The following CWC27 variants were observed in gnomAD, a reference collection of about 807,000 sequenced individuals.
CWC27 encodes spliceosome-associated protein CWC27 homolog.
Under a neutral mutation model 63.6 loss-of-function variants are expected in CWC27, and 47 were observed. That is an observed-to-expected ratio of 0.74 (90% CI 0.58 to 0.94). CWC27 has a LOEUF of 0.94. Ranked by LOEUF, CWC27 falls within the 40% of genes least tolerant of loss-of-function variation. The probability of loss-of-function intolerance (pLI) is 0.00; values close to 1 mark genes in which losing one functional copy is unlikely to be tolerated. For missense variants in CWC27, 495 were observed against 554.3 expected (o/e 0.89, Z 1.07); for synonymous variants, 175 against 179.8 (o/e 0.97, Z 0.22).
At chr5:64,955,746 CAA>C (rs1205660063) in intron 11 of CWC27, among the ~76,000 whole-genome samples, 5 of 151,956 alleles carry the variant, frequency 3.3e-5, no homozygotes, top group African/African-American at 4.8e-5. Flanking sequence ...AAAAAAAAGT[CAA>C]GAGTGAAACA....
chr5:64,959,655 C>T (rs1306054141), intron 11 of CWC27, among the ~76,000 whole-genome samples: 1 of 152,182 alleles, frequency 6.6e-6, no homozygotes, highest in East Asian at 1.9e-4. Context: ...TATACCTCAA[C>T]TTAATTAGGC....
At chr5:64,887,588 G>A (rs1453751055) in intron 11 of CWC27, among the ~76,000 whole-genome samples, 2 of 151,960 alleles carry the variant, frequency 1.3e-5, no homozygotes, top group African/African-American at 2.4e-5. Context: ...GGCTGGTCTC[G>A]AACTCCTGAC....
intron 10 of CWC27, among the ~76,000 whole-genome samples, chr5:64,881,017 T>G (rs1176879389): frequency 6.6e-6 from 1 of 151,994 alleles, no homozygotes; most frequent in Non-Finnish European, 1.5e-5. Context: ...TTAAATATAT[T>G]CTGATGCCAG....
intron 13 of CWC27, among the ~76,000 whole-genome samples, chr5:65,017,514 G>C (rs1220802763): frequency 1.3e-5 from 2 of 152,190 alleles, no homozygotes; most frequent in African/African-American, 4.8e-5. Context: ...AGACCAGTAA[G>C]CTTTTGATGA....
intron 13 of CWC27, among the ~76,000 whole-genome samples, chr5:65,007,600 A>C (rs559798728): frequency 6.8e-6 from 1 of 147,376 alleles, no homozygotes; most frequent in African/African-American, 2.5e-5. Flanking sequence ...TTCTGTGCTC[A>C]TGTGCTCCTC....
At chr5:64,786,026 A>G (rs148895602) in intron 5 of CWC27, among the ~76,000 whole-genome samples, 3,370 of 152,002 alleles carry the variant, frequency 0.022, 140 homozygotes, top group African/African-American at 0.076. Context: ...ATAGCTGGGC[A>G]TGGTGGCATA....
chr5:65,008,077 A>G (rs1749883894), intron 13 of CWC27, among the ~76,000 whole-genome samples: 2 of 152,364 alleles, frequency 1.3e-5, no homozygotes, highest in South Asian at 4.1e-4. Context: ...TATTCAATGT[A>G]TGAATTTTGC....
chr5:64,824,744 TTTTTTTG>T (rs1413781729), intron 10 of CWC27, among the ~76,000 whole-genome samples: 3 of 145,562 alleles, frequency 2.1e-5, no homozygotes, highest in Non-Finnish European at 4.5e-5. Flanking sequence ...TTTTTTTTTT[TTTTTTTG>T]AGATGGAGTC....
At chr5:64,820,271 A>C (rs543914334) in intron 10 of CWC27, among the ~76,000 whole-genome samples, 60 of 152,364 alleles carry the variant, frequency 3.9e-4, no homozygotes, top group African/African-American at 1.4e-3. Flanking sequence ...GGCACACTTC[A>C]TCTGGGCTCT....
chr5:64,804,316 A>C lies in CWC27; in HGVS notation c.868A>C (p.Lys290Gln). ...GAGAGAAAGAATTGCCAAAAAATTA[A>C]AAAAGGACACAAGTGCGAATGTTAA... ...LMRERIAKKL[K>Q]KDTSANVKSA... The change falls in exon 10 of 14, where the codon AAA becomes CAA. Residue 290 changes from lysine (K) to glutamine (Q), a missense_variant. Lys to Gln is a moderately conservative substitution (Grantham distance 53). Around this residue, in one of 3 missense-constraint regions of CWC27, gnomAD observed 463 missense variants for 498.1 expected, o/e 0.93. Coordinates refer to ENST00000381070, the MANE Select transcript of CWC27 (RefSeq NM_005869.4). The C allele has an allele frequency of 6.2e-7, 1 of 1,613,252 alleles. No individual in the cohort carries two copies. The highest frequency in any genetic ancestry group is 1.7e-4 in the Middle Eastern group (1 of 5,982).
At chr5:64,776,068 CGAGAGAGAGAGAGAGAGAGAGAGAGA>C (rs70983650) in intron 2 of CWC27, among the ~76,000 whole-genome samples, 13 of 108,640 alleles carry the variant, frequency 1.2e-4, no homozygotes, top group East Asian at 9.5e-4. Flanking sequence ...AGGAGTGGAG[CGAGAGAGAGAGAGAGAGAGAGAGAGA>C]GAGAGAGAGA....
intron 13 of CWC27, among the ~76,000 whole-genome samples, chr5:64,994,328 T>C (rs573759301): frequency 1.1e-4 from 16 of 152,304 alleles, no homozygotes; most frequent in Non-Finnish European, 2.4e-4. Flanking sequence ...GATGGTTATA[T>C]AATATTCTAT....
intron 7 of CWC27, among the ~76,000 whole-genome samples, chr5:64,792,281 AG>A: frequency 1.3e-5 from 2 of 152,264 alleles, no homozygotes; most frequent in Middle Eastern, 6.8e-3. Context: ...TTTCCAAGCG[AG>A]GGGCCTGGGA....
At chr5:65,014,609 T>C (rs1750018878) in intron 13 of CWC27, among the ~76,000 whole-genome samples, 2 of 152,110 alleles carry the variant, frequency 1.3e-5, no homozygotes, top group Admixed American at 6.6e-5. Context: ...TATTGAGTTA[T>C]TGGGACATAC....
At chr5:64,798,660 A>G (rs951892185) in intron 7 of CWC27, among the ~76,000 whole-genome samples, 1 of 152,218 alleles carries the variant, frequency 6.6e-6, no homozygotes, top group African/African-American at 2.4e-5. Context: ...AGAGAGCTCC[A>G]TATTAATACA....
chr5:64,940,188 G>A (rs748640730), intron 11 of CWC27, among the ~76,000 whole-genome samples: 3 of 152,254 alleles, frequency 2.0e-5, no homozygotes, highest in East Asian at 1.9e-4. Flanking sequence ...CTGCAGCTCT[G>A]TGTCTGCCCA....
intron 10 of CWC27, among the ~76,000 whole-genome samples, chr5:64,863,449 A>C (rs1746459426): frequency 3.5e-5 from 5 of 144,284 alleles, no homozygotes; most frequent in African/African-American, 7.7e-5. Flanking sequence ...TCTCCCCTAC[A>C]CCCTCCCTTT....
Position 64,782,026 on chromosome 5 carries a change from C to T in CWC27, c.245C>T (p.Pro82Leu). 1.4e-6 allele frequency: 2 copies of T among 1,480,020 alleles called. No homozygotes were observed. The highest frequency in any genetic ancestry group is 9.3e-7 in the Non-Finnish European group (1 of 1,077,812). 91.7% of individuals were successfully genotyped at this position (1,480,020 alleles called of 1,614,324 possible). ...GGTGGAGAGTCTATCTATGGAGCGC[C>T]ATTCAAAGTAAGACTGAATTATTAT... ...GSGGESIYGA[P>L]FKDEFHSRLR... Residue 82 changes from proline to leucine, a missense_variant, in exon 3 of 14, where the codon CCA (proline) becomes CTA (leucine). Around this residue, in one of 3 missense-constraint regions of CWC27, gnomAD observed 463 missense variants for 498.1 expected, o/e 0.93. Coordinates refer to ENST00000381070, the MANE Select transcript of CWC27 (RefSeq NM_005869.4).
Position 64,781,920 on chromosome 5 carries a change from G to C in CWC27, c.140-1G>C. The C allele has an allele frequency of 6.8e-7, 1 of 1,480,136 alleles. No homozygotes were observed. The highest frequency in any genetic ancestry group is 9.3e-7 in the Non-Finnish European group (1 of 1,076,924). The allele number at this position is 1,480,136 out of a possible 1,614,324, so 91.7% of individuals were successfully genotyped here. On this transcript the variant is annotated splice_acceptor_variant, in intron 2 of 13. Coordinates refer to ENST00000381070, the MANE Select transcript of CWC27 (RefSeq NM_005869.4). LOFTEE classifies it high-confidence loss of function. ...ATAAATTATTTTTATTTTTTTTTCA[G>C]CTTATTATGACAATACCATTTTTCA... is the stretch of plus-strand genomic sequence containing the variant.
Sources: allele counts gnomAD v4.1 joint callset (sites outside exome capture counted in the v4.1 genomes callset), GRCh38; gene constraint gnomAD v4.1.1; regional missense constraint gnomAD v4.1.1; transcripts MANE v1.5; gene names NCBI Gene and HGNC (gene_info 2026-07-23, HGNC 2026-07-21).